The following KHDRBS2 variants were observed in gnomAD, a reference collection of about 807,000 sequenced individuals.
KHDRBS2 encodes the protein KH domain-containing, RNA-binding, signal transduction-associated protein 2.
KHDRBS2 carries 26 observed loss-of-function variants against 44.3 expected under a neutral mutation model. That is an observed-to-expected ratio of 0.59 (90% CI 0.43 to 0.81). KHDRBS2 has a LOEUF of 0.81. KHDRBS2 is among the 40% of genes least tolerant of loss of function. KHDRBS2 has a pLI of 0.00. For synonymous variants in KHDRBS2, 194 were observed against 151.1 expected, an observed-to-expected ratio of 1.28 and a Z score of -2.08; for missense variants, 476 against 433.1, an observed-to-expected ratio of 1.10 and a Z score of -0.88.
At chr6:61,879,519 A>G (rs1238579231) in intron 6 of KHDRBS2, among the ~76,000 whole-genome samples, 1 of 151,954 alleles carries the variant, frequency 6.6e-6, no homozygotes. Context: ...AATTAAAGAA[A>G]CAAGAATTAA....
At chr6:61,868,534 G>T (rs1179560010) in intron 6 of KHDRBS2, among the ~76,000 whole-genome samples, 1 of 152,198 alleles carries the variant, frequency 6.6e-6, no homozygotes, top group Non-Finnish European at 1.5e-5. Flanking sequence ...CAGCTGGGAG[G>T]TCCTGCCCAG....
chr6:61,648,013 A>C, the KHDRBS2 span, among the ~76,000 whole-genome samples: 10 of 152,182 alleles, frequency 6.6e-5, no homozygotes, highest in Middle Eastern at 6.8e-3. Context: ...AAAAGTAAAA[A>C]AATAACAGCA....
chr6:62,124,280 C>T (rs1230497546), intron 2 of KHDRBS2, among the ~76,000 whole-genome samples: 1 of 152,142 alleles, frequency 6.6e-6, no homozygotes, highest in Non-Finnish European at 1.5e-5. Flanking sequence ...TAACTTCCTA[C>T]AAGAGAGAAG....
At chr6:61,909,197 G>T (rs879549992) in intron 4 of KHDRBS2, among the ~76,000 whole-genome samples, 1 of 151,710 alleles carries the variant, frequency 6.6e-6, no homozygotes, top group Non-Finnish European at 1.5e-5. Context: ...CTCCTGAGTA[G>T]CTGGGACCAC....
At chr6:62,119,349 A>C (rs550566311) in intron 2 of KHDRBS2, among the ~76,000 whole-genome samples, 2 of 152,296 alleles carry the variant, frequency 1.3e-5, no homozygotes, top group East Asian at 1.9e-4. Flanking sequence ...GTTGCTCTTA[A>C]GTTCGCTGGA....
Position 62,239,632 on chromosome 6 carries a change from A to G in KHDRBS2, c.91+46226T>C, listed in dbSNP as rs1434972056. 1.2e-4 allele frequency among the ~76,000 whole-genome samples: 18 copies of G among 152,094 alleles called. No homozygotes were observed. The East Asian group carries it at 1.5e-3, about 13-fold the overall frequency. ...CAAGTGTGCTTTTGGGGGGAAAAAA[A>G]GGGGCATACTGTCAGTTTAGATGAC... On this transcript the variant is annotated intron_variant, in intron 1 of 8. Transcript: ENST00000281156.
chr6:62,085,123 T>A (rs143897648), intron 2 of KHDRBS2, among the ~76,000 whole-genome samples: 1 of 152,174 alleles, frequency 6.6e-6, no homozygotes, highest in Admixed American at 6.5e-5. Flanking sequence ...CACCTACTCA[T>A]TCTGATATTA....
the KHDRBS2 span, among the ~76,000 whole-genome samples, chr6:61,611,553 T>C: frequency 0.81 from 123,306 of 151,822 alleles, 50,445 homozygotes; most frequent in Non-Finnish European, 0.87. Context: ...CATTTTAAGC[T>C]TTCATTAGAA....
chr6:61,792,771 T>C (rs1224677366), intron 6 of KHDRBS2, among the ~76,000 whole-genome samples: 1 of 151,914 alleles, frequency 6.6e-6, no homozygotes, highest in Non-Finnish European at 1.5e-5. Context: ...ATATTTTGAA[T>C]GAAGAAATAT....
At chr6:62,209,710 A>G (rs1043822616) in intron 1 of KHDRBS2, among the ~76,000 whole-genome samples, 3 of 152,166 alleles carry the variant, frequency 2.0e-5, no homozygotes, top group African/African-American at 7.2e-5. Flanking sequence ...GGCACCCTCT[A>G]ATCAGCTGCC....
chr6:61,737,638 T>C (rs778922904), intron 6 of KHDRBS2, among the ~76,000 whole-genome samples: 1 of 152,066 alleles, frequency 6.6e-6, no homozygotes, highest in Non-Finnish European at 1.5e-5. Flanking sequence ...GGTGGATTTC[T>C]GAAGAAGTGA....
At chr6:61,729,714 G>A (rs1394564449) in intron 7 of KHDRBS2, among the ~76,000 whole-genome samples, 1 of 151,946 alleles carries the variant, frequency 6.6e-6, no homozygotes, top group African/African-American at 2.4e-5. Flanking sequence ...CATATTTTTA[G>A]ACTCTTATTT....
intron 2 of KHDRBS2, among the ~76,000 whole-genome samples, chr6:62,162,447 T>C (rs1034357445): frequency 3.9e-5 from 6 of 152,270 alleles, no homozygotes; most frequent in African/African-American, 1.4e-4. Flanking sequence ...AATCTGCTGA[T>C]AGTCCTATTA....
At chr6:62,256,607 T>C (rs534295062) in intron 1 of KHDRBS2, among the ~76,000 whole-genome samples, 1 of 152,152 alleles carries the variant, frequency 6.6e-6, no homozygotes, top group South Asian at 2.1e-4. Flanking sequence ...CTCTTGTAAA[T>C]TGCCCAGTCT....
intron 1 of KHDRBS2, among the ~76,000 whole-genome samples, chr6:62,268,314 T>C (rs1839532180): frequency 6.6e-6 from 1 of 152,084 alleles, no homozygotes; most frequent in Non-Finnish European, 1.5e-5. Context: ...TGGTTATTAG[T>C]GTTGACATGA....
rs74356941 is a variant in KHDRBS2 at position 61,916,850 on chromosome 6, A to T, written c.484-15479T>A. On this transcript the variant is annotated intron_variant, in intron 4 of 8. Coordinates refer to ENST00000281156, the MANE Select transcript of KHDRBS2 (RefSeq NM_152688.4). The stretch of plus-strand genomic sequence containing the variant: ...AAGATGCTCAAAATCATATGTCATT[A>T]GGGAATTTCAAATTAAAACAGTGAG... 9.2e-3 allele frequency among the ~76,000 whole-genome samples: 1,398 copies of T among 151,892 alleles called. 23 individuals carry two copies. Among genetic ancestry groups the T allele is most frequent in the African/African-American group, 0.032 (1,318 of 41,480 alleles).
chr6:61,774,744 C>G (rs1781646701), intron 6 of KHDRBS2, among the ~76,000 whole-genome samples: 1 of 152,246 alleles, frequency 6.6e-6, no homozygotes, highest in Middle Eastern at 3.4e-3. Context: ...CCTTCTGAAA[C>G]TATTCCAATC....
At chr6:61,707,049 G>T (rs1769705321) in intron 7 of KHDRBS2, among the ~76,000 whole-genome samples, 2 of 151,756 alleles carry the variant, frequency 1.3e-5, no homozygotes, top group Non-Finnish European at 2.9e-5. Context: ...AGTTAAAGTG[G>T]TTGGGAAAGT....
intron 4 of KHDRBS2, among the ~76,000 whole-genome samples, chr6:61,932,113 T>C (rs1414197991): frequency 1.3e-5 from 2 of 152,176 alleles, no homozygotes; most frequent in Non-Finnish European, 2.9e-5. Context: ...AGTAGGCTAT[T>C]TGTAGTTAAG....
Sources: gnomAD v4.1 joint callset for allele counts (sites outside exome capture counted in the v4.1 genomes callset) on GRCh38, gnomAD v4.1.1 for gene constraint, MANE v1.5 for transcripts, NCBI Gene and HGNC (gene_info 2026-07-23, HGNC 2026-07-21) for gene names.